Variants in FASN observed in about 807,000 individuals in gnomAD.
FASN encodes fatty acid synthase.
In FASN, 50 loss-of-function variants were observed where a neutral mutation model predicts 250.0. The observed-to-expected ratio is 0.20, with a 90% CI of 0.16 to 0.25. FASN has a LOEUF of 0.25. Among genes scored for constraint, FASN ranks in the 10% least tolerant of loss-of-function variants. The probability of loss-of-function intolerance (pLI) is 1.00; values close to 1 mark genes in which losing one functional copy is unlikely to be tolerated. For missense variants in FASN, 3,031 were observed against 3,498.5 expected (o/e 0.87, Z 3.37); for synonymous variants, 1,909 against 1,584.0 (o/e 1.21, Z -4.87).
Position 82,088,199 on chromosome 17 carries a change from C to T in FASN, c.2702G>A (p.Arg901His), listed in dbSNP as rs369433486. ...YLSIVWKTLA[R>H]ALGLGVEQLP... ...CTGCTCGACGCCCAGGCCCAGGGCG[C>T]GGGCCAGCGTCTTCCACACTATGCT... The change falls in exon 17 of 43, where the codon CGC becomes CAC. Residue 901 changes from arginine (R) to histidine (H), a missense_variant. By Grantham distance (29) the Arg-to-His change is conservative. Coordinates refer to ENST00000306749, the MANE Select transcript of FASN (RefSeq NM_004104.5). The T allele has an allele frequency of 2.7e-5, 44 of 1,612,156 alleles. No individual in the cohort carries two copies. The highest frequency in any genetic ancestry group is 4.5e-5 in the East Asian group (2 of 44,874).
Position 82,095,230 on chromosome 17 carries a change from G to A in FASN, c.280+90C>T, listed in dbSNP as rs1031202859. On this transcript the variant is annotated intron_variant, in intron 3 of 42. Coordinates refer to ENST00000306749, the MANE Select transcript of FASN (RefSeq NM_004104.5). ...GGGAGGGTAGGTGGTGCCAGCACCT[G>A]GTTCTACCAGAACCAAGAAGAGAAA... The A allele has an allele frequency of 1.1e-5, 17 of 1,478,278 alleles. No homozygotes were observed. In the African/African-American group the frequency reaches 1.4e-4, roughly 12 times the overall value. The allele number at this position is 1,478,278 out of a possible 1,614,324, so 91.6% of individuals were successfully genotyped here. A position where few individuals can be genotyped will look rare whatever the true frequency, so the allele number is the denominator to read the frequency against.
At chr17:82,079,708 A>C (rs2033954085) in intron 41 of FASN, 100 bp from the exon 42 acceptor site, 1 of 1,459,086 alleles carries the variant, frequency 6.9e-7, no homozygotes, top group African/African-American at 1.4e-5. Flanking sequence ...GACGAGTTTC[A>C]TTTTTGTTAC....
chr17:82,081,917 G>T, intron 36 of FASN, 74 bp from the exon 37 acceptor site: 1 of 381,498 alleles, frequency 2.6e-6, no homozygotes, highest in Non-Finnish European at 4.5e-6. Flanking sequence ...AGAGGGTGGG[G>T]TGGGCAGGGC....
chr17:82,097,591 G>C (rs978632463), intron 1 of FASN: 3 of 152,442 alleles, frequency 2.0e-5, no homozygotes, highest in African/African-American at 4.8e-5. Flanking sequence ...GGCCAGGCAG[G>C]GGGTGGGAAC....
intron 33 of FASN, 22 bp downstream of exon 33, chr17:82,082,892 A>G: frequency 1.9e-6 from 3 of 1,612,044 alleles, no homozygotes; most frequent in Non-Finnish European, 2.5e-6. Flanking sequence ...AGGCTGGTCC[A>G]CAAGCACCCC....
chr17:82,094,543 C>A (rs1158510274), intron 3 of FASN, among the ~76,000 whole-genome samples: 1 of 152,060 alleles, frequency 6.6e-6, no homozygotes, highest in African/African-American at 2.4e-5. Flanking sequence ...GTAATCCCAG[C>A]ACTTTGGGAA....
At position 82,079,050 on chromosome 17, in the gene FASN, G is replaced by T. The variant is rs965111777; in HGVS notation, c.*93C>A. On this transcript the variant is annotated 3_prime_UTR_variant, in exon 43 of 43. Transcript: ENST00000306749. ...GCACTGGGCCGGACAGGGTCCCACC[G>T]GCAGGACCCTTCAATCCCGTTGCAT... 7.2e-7 allele frequency: 1 copy of T among 1,395,040 alleles called. No individual in the cohort carries two copies. Among genetic ancestry groups the T allele is most frequent in the Non-Finnish European group, 9.7e-7 (1 of 1,027,368 alleles). 86.4% of individuals were successfully genotyped at this position (1,395,040 alleles called of 1,614,324 possible). A position where few individuals can be genotyped will look rare whatever the true frequency, so the allele number is the denominator to read the frequency against.
intron 15 of FASN, 33 bp downstream of exon 15, chr17:82,088,728 G>A (rs201956713): frequency 3.6e-5 from 57 of 1,584,784 alleles, no homozygotes; most frequent in African/African-American, 1.3e-4. Context: ...CCCCGACTCC[G>A]GGAGACGAGA....
chr17:82,093,770 G>A lies in FASN; in HGVS notation c.282C>T (p.Gly94=), dbSNP rs771319015. 3.1e-6 allele frequency: 5 copies of A among 1,612,200 alleles called. No individual in the cohort carries two copies. Among genetic ancestry groups the A allele is most frequent in the Non-Finnish European group, 4.2e-6 (5 of 1,179,808 alleles). Reference sequence around the variant, plus strand: ...TTCCTCGGAGTGAATCTGGGTTGATGCCTGCCACAAACAGTGGTCAAGGTG... The same window carrying A: ...TTCCTCGGAGTGAATCTGGGTTGATACCTGCCACAAACAGTGGTCAAGGTG... ...EVTYEAIVDG[G]INPDSLRGTH... Residue 94 remains glycine (G), a splice_region_variant and synonymous_variant, in exon 4 of 43, where the codon GGC becomes GGT. Transcript: ENST00000306749.
At position 82,087,854 on chromosome 17, in the gene FASN, C is replaced by A; in HGVS notation, c.2874G>T (p.Val958=). ...TGGGGTCAGGGTCATCCCACTGGTA[C>A]ACCTTCCCTGTGGAAAGGGAGGTGC... ...ENGNLVVSGK[V]YQWDDPDPRL... Residue 958 remains valine, a synonymous_variant, in exon 19 of 43, where the codon GTG becomes GTT. Transcript: ENST00000306749. 1 of 1,612,626 alleles carries A rather than the reference C, an allele frequency of 6.2e-7. No individual in the cohort carries two copies. The highest frequency in any genetic ancestry group is 8.5e-7 in the Non-Finnish European group (1 of 1,179,900).
intron 35 of FASN, 63 bp from the exon 36 acceptor site, chr17:82,082,223 C>T: frequency 6.2e-7 from 1 of 1,601,564 alleles, no homozygotes; most frequent in Admixed American, 1.7e-5. Flanking sequence ...CGTCCCATCC[C>T]CAGGAAACGC....
rs921413662 is a variant in FASN at position 82,078,889 on chromosome 17, G to A, written c.*254C>T. 9.4e-5 allele frequency: 55 copies of A among 587,150 alleles called. No homozygotes were observed. Among genetic ancestry groups the A allele is most frequent in the African/African-American group, 1.7e-4 (9 of 53,280 alleles). The allele number at this position is 587,150 out of a possible 1,614,324, so 36.4% of individuals were successfully genotyped here. On this transcript the variant is annotated 3_prime_UTR_variant, in exon 43 of 43. Coordinates refer to ENST00000306749, the MANE Select transcript of FASN (RefSeq NM_004104.5). This position sits in a 1 kb window ranked among gnomAD's most constrained non-coding sequence, Gnocchi z 5.4. ...GCACGAGGCCCAGCCCAGTTCCTGCGGGCACGGGCACCACCGGCTCTTCAC... is the reference window on the plus strand; with the variant it reads ...GCACGAGGCCCAGCCCAGTTCCTGCAGGCACGGGCACCACCGGCTCTTCAC...
Position 82,086,429 on chromosome 17 carries a change from C to A in FASN, c.3557G>T (p.Cys1186Phe), listed in dbSNP as rs199670165. ...QELPRLLSAACRLQLNGNLQL... is the reference protein window; with the variant it reads ...QELPRLLSAAFRLQLNGNLQL... ...CAGGTTCCCGTTGAGCTGAAGCCTGCAGGCAGCCGACAACAGCCGGGGCAG... is the reference window on the plus strand; with the variant it reads ...CAGGTTCCCGTTGAGCTGAAGCCTGAAGGCAGCCGACAACAGCCGGGGCAG... Residue 1186 changes from cysteine to phenylalanine, a missense_variant, in exon 22 of 43, where the codon TGC becomes TTC. Cys to Phe is a radical substitution (Grantham distance 205). Coordinates refer to ENST00000306749, the MANE Select transcript of FASN (RefSeq NM_004104.5). The A allele has an allele frequency of 1.6e-4, 254 of 1,611,786 alleles. 2 individuals carry two copies. In the East Asian group the frequency reaches 5.4e-3, roughly 34 times the overall value.
intron 1 of FASN, among the ~76,000 whole-genome samples, chr17:82,097,887 G>A (rs1398328482): frequency 2.0e-5 from 3 of 152,070 alleles, no homozygotes; most frequent in African/African-American, 7.2e-5. Context: ...GGCTGTTGGT[G>A]GCTTTCCCCG....
In FASN at chr17:82,084,336, C is replaced by T. The variant is rs760972009; in HGVS notation, c.4817G>A (p.Arg1606Gln). The change falls in exon 28 of 43, where the codon CGA (arginine) becomes CAA (glutamine). Residue 1606 changes from arginine (R) to glutamine (Q), a missense_variant. Arg to Gln is a conservative substitution (Grantham distance 43). Coordinates refer to ENST00000306749, the MANE Select transcript of FASN (RefSeq NM_004104.5). ...CATCACACGCTTGCCGCTGGCGTCT[C>T]GGCCCGAGAACTCCATACCTAGCAG... is the stretch of plus-strand genomic sequence containing the variant. ...DSLLGMEFSG[R>Q]DASGKRVMGL... 11 of 1,609,140 alleles carry T rather than the reference C, an allele frequency of 6.8e-6. No individual in the cohort carries two copies. The highest frequency in any genetic ancestry group is 1.7e-4 in the Middle Eastern group (1 of 6,058).
chr17:82,083,043 A>T lies in FASN; in HGVS notation c.5638T>A (p.Phe1880Ile). The stretch of plus-strand genomic sequence containing the variant: ...ATGTAGCTCTTGTGGGCCGGGCAGA[A>T]GGTCTTGGAGATGGCCGACATCAGC... ...PKLMSAISKT[F>I]CPAHKSYIIA... The change falls in exon 33 of 43, where the codon TTC (phenylalanine) becomes ATC (isoleucine). Residue 1880 changes from phenylalanine (F) to isoleucine (I), a missense_variant. Transcript: ENST00000306749. 2 of 1,612,752 alleles carry T rather than the reference A, an allele frequency of 1.2e-6. No homozygotes were observed. Among genetic ancestry groups the T allele is most frequent in the Non-Finnish European group, 1.7e-6 (2 of 1,179,982 alleles).
At position 82,095,479 on chromosome 17, in the gene FASN, G is replaced by A. The variant is rs966512015; in HGVS notation, c.128-7C>T. ...CGGGGCAGGCCGTAGAGCCCTGTGGGACAGGCGGGTGTTTAAATCTCTGAC... is the reference window on the plus strand; with the variant it reads ...CGGGGCAGGCCGTAGAGCCCTGTGGAACAGGCGGGTGTTTAAATCTCTGAC... On this transcript the variant is annotated splice_polypyrimidine_tract_variant and splice_region_variant and intron_variant, in intron 2 of 42. Transcript: ENST00000306749. The A allele has an allele frequency of 1.2e-6, 2 of 1,611,558 alleles. No individual in the cohort carries two copies. Among genetic ancestry groups the A allele is most frequent in the Non-Finnish European group, 1.7e-6 (2 of 1,179,966 alleles).
Position 82,079,150 on chromosome 17 carries a change from T to G in FASN, c.7529A>C (p.Glu2510Ala). 1 of 1,611,740 alleles carries G rather than the reference T, an allele frequency of 6.2e-7. No homozygotes were observed. The highest frequency in any genetic ancestry group is 8.5e-7 in the Non-Finnish European group (1 of 1,179,886). Residue 2510 changes from glutamate (E) to alanine (A), a missense_variant, in exon 43 of 43, where the codon GAG becomes GCG. Physicochemically the swap from Glu to Ala is moderately radical, Grantham distance 107. Coordinates refer to ENST00000306749, the MANE Select transcript of FASN (RefSeq NM_004104.5). ...SLAEPRVSVR[E>A]G ...GCAGGCGGGGGCACGGGCCTAGCCC[T>G]CCCGCACGCTCACGCGTGGCTCAGC... is the stretch of plus-strand genomic sequence containing the variant.
intron 3 of FASN, among the ~76,000 whole-genome samples, 183 bp downstream of exon 3, chr17:82,095,137 G>T (rs2034281953): frequency 6.6e-6 from 1 of 152,226 alleles, no homozygotes; most frequent in Non-Finnish European, 1.5e-5. Context: ...GGGTGCAGTT[G>T]GGAAACTGCG....
Sources: gnomAD v4.1 joint callset for allele counts (sites outside exome capture counted in the v4.1 genomes callset) on GRCh38, gnomAD v4.1.1 for gene constraint, Gnocchi (gnomAD v3.1) non-coding constraint, MANE v1.5 for transcripts, NCBI Gene and HGNC (gene_info 2026-07-23, HGNC 2026-07-21) for gene names.